The following ATP8A2 variants were observed in gnomAD, a reference collection of about 807,000 sequenced individuals.
The protein encoded by ATP8A2 is phospholipid-transporting ATPase IB.
ATP8A2 carries 100 observed loss-of-function variants against 165.6 expected under a neutral mutation model. The observed-to-expected ratio is 0.60, with a 90% CI of 0.51 to 0.71. The LOEUF is 0.71. Ranked by LOEUF, ATP8A2 falls within the 30% of genes least tolerant of loss-of-function variation. The probability of loss-of-function intolerance (pLI) is 0.00; values close to 1 mark genes in which losing one functional copy is unlikely to be tolerated. For missense variants in ATP8A2, 1,227 were observed against 1,479.5 expected, an observed-to-expected ratio of 0.83 and a Z score of 2.80; for synonymous variants, 543 against 548.8, an observed-to-expected ratio of 0.99 and a Z score of 0.15.
At chr13:25,876,183 G>A (rs1343731621) in intron 33 of ATP8A2, among the ~76,000 whole-genome samples, 1 of 152,314 alleles carries the variant, frequency 6.6e-6, no homozygotes. Context: ...AGATCAGGGG[G>A]TGGGTGCTCC....
chr13:25,675,831 G>A (rs1324001357), intron 24 of ATP8A2, among the ~76,000 whole-genome samples: 4 of 151,380 alleles, frequency 2.6e-5, no homozygotes, highest in Admixed American at 1.3e-4. Flanking sequence ...GGCTTTGCAT[G>A]TGAAAAAATG....
At chr13:25,557,256 AGAGCACAAATCCTCCCATTGCCTTT>A (rs1415826092) in intron 13 of ATP8A2, among the ~76,000 whole-genome samples, 1 of 152,246 alleles carries the variant, frequency 6.6e-6, no homozygotes, top group Non-Finnish European at 1.5e-5. Context: ...TCCTTGGCAC[AGAGCACAAATCCTCCCATTGCCTTT>A]GGGGCTCTGG....
intron 11 of ATP8A2, among the ~76,000 whole-genome samples, chr13:25,552,636 A>G (rs1020774213): frequency 6.6e-6 from 1 of 152,138 alleles, no homozygotes; most frequent in African/African-American, 2.4e-5. Context: ...TGTAATTGTC[A>G]GGTAGATATT....
chr13:25,952,895 G>A (rs1955408745), intron 33 of ATP8A2, among the ~76,000 whole-genome samples: 1 of 152,178 alleles, frequency 6.6e-6, no homozygotes, highest in South Asian at 2.1e-4. Context: ...ATAGTAAAAA[G>A]AGAAGGAGAT....
In ATP8A2 at chr13:26,019,779, A is replaced by C. The variant is rs918103904; in HGVS notation, c.3470-109A>C. The stretch of plus-strand genomic sequence containing the variant: ...CCACCTATCCAAGGCTAAGGAGGCC[A>C]GATGTCGCACTCACCCGCACGCTGC... On this transcript the variant is annotated intron_variant, in intron 36 of 36. Transcript: ENST00000381655. 5.6e-5 allele frequency: 40 copies of C among 708,104 alleles called. No homozygotes were observed. In the Admixed American group the frequency reaches 9.0e-4, roughly 16 times the overall value. The allele number at this position is 708,104 out of a possible 1,614,324, so 43.9% of individuals were successfully genotyped here. A position where few individuals can be genotyped will look rare whatever the true frequency, so the allele number is the denominator to read the frequency against.
At chr13:25,399,631 T>C in intron 1 of ATP8A2, among the ~76,000 whole-genome samples, 1 of 141,602 alleles carries the variant, frequency 7.1e-6, no homozygotes, top group Non-Finnish European at 1.5e-5. Context: ...CTCGATCTCC[T>C]GACCTCGTGA....
At chr13:25,933,129 A>T (rs1954808227) in intron 33 of ATP8A2, among the ~76,000 whole-genome samples, 1 of 152,232 alleles carries the variant, frequency 6.6e-6, no homozygotes, top group Admixed American at 6.5e-5. Flanking sequence ...CAAAGGGATT[A>T]CAGGCATGAG....
At chr13:25,670,292 G>T (rs1489249612) in intron 24 of ATP8A2, among the ~76,000 whole-genome samples, 1 of 152,174 alleles carries the variant, frequency 6.6e-6, no homozygotes, top group Admixed American at 6.5e-5. Flanking sequence ...ATCTAAGTAT[G>T]AATATTTTCA....
intron 27 of ATP8A2, among the ~76,000 whole-genome samples, chr13:25,801,883 A>G (rs1950629658): frequency 6.6e-6 from 1 of 152,140 alleles, no homozygotes. Context: ...ACATGGCAGC[A>G]TCAAGGAGAA....
At chr13:25,888,073 C>CCCCA (rs1953221985) in intron 33 of ATP8A2, among the ~76,000 whole-genome samples, 1 of 132,868 alleles carries the variant, frequency 7.5e-6, no homozygotes, top group Non-Finnish European at 1.6e-5. Context: ...CCCAGACCCC[C>CCCCA]CCCCCGCCCC....
At chr13:25,381,156 G>A (rs2032825091) in intron 1 of ATP8A2, among the ~76,000 whole-genome samples, 1 of 152,130 alleles carries the variant, frequency 6.6e-6, no homozygotes, top group Non-Finnish European at 1.5e-5. Flanking sequence ...ACACACTCAC[G>A]ATTTATGATT....
At chr13:25,658,204 G>A (rs2041975482) in intron 24 of ATP8A2, among the ~76,000 whole-genome samples, 1 of 152,200 alleles carries the variant, frequency 6.6e-6, no homozygotes, top group Non-Finnish European at 1.5e-5. Context: ...TATCTAAGTT[G>A]TATTACTTGA....
intron 1 of ATP8A2, among the ~76,000 whole-genome samples, chr13:25,435,938 T>A (rs796458782): frequency 0.021 from 1,045 of 48,950 alleles, 12 homozygotes; most frequent in South Asian, 0.089. Context: ...TGTGAGTGTG[T>A]GTGTGTGTGT....
intron 34 of ATP8A2, among the ~76,000 whole-genome samples, chr13:25,964,253 G>C (rs1443348355): frequency 6.6e-6 from 1 of 152,156 alleles, no homozygotes; most frequent in Non-Finnish European, 1.5e-5. Flanking sequence ...TATTGGCTGT[G>C]AGCTGGAATA....
At position 26,023,121 on chromosome 13, in the gene ATP8A2, C is replaced by A. The variant is rs1007370235; in HGVS notation, c.*3136C>A. On this transcript the variant is annotated 3_prime_UTR_variant, in exon 37 of 37. Transcript: ENST00000381655. ...GATGAATACTCTGTGCTGATCAGAA[C>A]GGGCTCGGTCATAATTTAGGAGTGG... 3.9e-5 allele frequency: 6 copies of A among 152,216 alleles called. No homozygotes were observed. Among genetic ancestry groups the A allele is most frequent in the African/African-American group, 1.2e-4 (5 of 41,448 alleles). The allele number at this position is 152,216 out of a possible 1,614,324, so 9.4% of individuals were successfully genotyped here. A position where few individuals can be genotyped will look rare whatever the true frequency, so the allele number is the denominator to read the frequency against.
chr13:25,519,587 G>A (rs1294778785), intron 2 of ATP8A2, among the ~76,000 whole-genome samples: 1 of 152,038 alleles, frequency 6.6e-6, no homozygotes, highest in Non-Finnish European at 1.5e-5. Flanking sequence ...AGGAAACACT[G>A]GCCTCATGTT....
intron 35 of ATP8A2, among the ~76,000 whole-genome samples, chr13:25,977,303 T>C (rs1358728993): frequency 6.6e-6 from 1 of 152,068 alleles, no homozygotes; most frequent in African/African-American, 2.4e-5. Context: ...GGAGAGTTCT[T>C]AGGAGAACAG....
intron 33 of ATP8A2, among the ~76,000 whole-genome samples, chr13:25,897,114 G>A (rs1178639017): frequency 6.6e-6 from 1 of 152,210 alleles, no homozygotes; most frequent in Non-Finnish European, 1.5e-5. Context: ...AGTTGATGCA[G>A]TTTCTTCCTA....
intron 1 of ATP8A2, among the ~76,000 whole-genome samples, chr13:25,444,458 C>T (rs139940969): frequency 7.2e-5 from 11 of 152,128 alleles, no homozygotes; most frequent in African/African-American, 1.4e-4. Context: ...TCTTAGAAAC[C>T]GCCAAAAGAG....
Sources: gnomAD v4.1 joint callset for allele counts (sites outside exome capture counted in the v4.1 genomes callset) on GRCh38, gnomAD v4.1.1 for gene constraint, MANE v1.5 for transcripts, NCBI Gene and HGNC (gene_info 2026-07-23, HGNC 2026-07-21) for gene names.